Variants in KCNAB1 observed in about 807,000 individuals in gnomAD.
KCNAB1 encodes voltage-gated potassium channel subunit beta-1.
In KCNAB1, 35 loss-of-function variants were observed where a neutral mutation model predicts 64.6. That is an observed-to-expected ratio of 0.54 (90% CI 0.41 to 0.72). The LOEUF is 0.72. Among genes scored for constraint, KCNAB1 ranks in the 30% least tolerant of loss-of-function variants. The pLI, the probability that KCNAB1 is intolerant of heterozygous loss-of-function variation, is 0.00. For missense variants in KCNAB1, 401 were observed against 512.9 expected (o/e 0.78, Z 2.11); for synonymous variants, 177 against 183.8 (o/e 0.96, Z 0.30).
chr3:156,421,985 A>G (rs1715495701), intron 2 of KCNAB1, among the ~76,000 whole-genome samples: 2 of 151,998 alleles, frequency 1.3e-5, no homozygotes, highest in Non-Finnish European at 2.9e-5. Context: ...GGTTCAGTTC[A>G]CCACTCCCTC....
chr3:156,262,422 G>A (rs1718484878), intron 1 of KCNAB1, among the ~76,000 whole-genome samples: 1 of 151,694 alleles, frequency 6.6e-6, no homozygotes, highest in Non-Finnish European at 1.5e-5. Context: ...TTTGATAAGT[G>A]TTTTTTTCTT....
intron 1 of KCNAB1, among the ~76,000 whole-genome samples, chr3:156,202,586 C>T (rs768005890): frequency 1.1e-4 from 17 of 152,092 alleles, no homozygotes; most frequent in African/African-American, 2.7e-4. Flanking sequence ...TTAGAATTTC[C>T]GTCTCTCTGC....
chr3:156,278,815 C>CA (rs1368114577), intron 1 of KCNAB1, among the ~76,000 whole-genome samples: 24 of 148,984 alleles, frequency 1.6e-4, no homozygotes, highest in East Asian at 3.9e-4. Context: ...AGCATGCTTT[C>CA]AAAAAAAAAT....
At chr3:156,167,713 A>G (rs538569423) in intron 1 of KCNAB1, among the ~76,000 whole-genome samples, 1 of 152,332 alleles carries the variant, frequency 6.6e-6, no homozygotes, top group South Asian at 2.1e-4. Context: ...GGAGATTGAG[A>G]TTGAATTATA....
chr3:156,258,128 G>A (rs1327447482), intron 1 of KCNAB1, among the ~76,000 whole-genome samples: 1 of 152,162 alleles, frequency 6.6e-6, no homozygotes, highest in Admixed American at 6.5e-5. Context: ...TTTTGGACTG[G>A]TTAGAGTCAC....
intron 8 of KCNAB1, among the ~76,000 whole-genome samples, chr3:156,478,639 TCC>T (rs1468904662): frequency 6.6e-6 from 1 of 152,124 alleles, no homozygotes; most frequent in Non-Finnish European, 1.5e-5. Flanking sequence ...TTAAACAACT[TCC>T]ATTTAAATAT....
intron 1 of KCNAB1, among the ~76,000 whole-genome samples, chr3:156,168,770 A>G (rs1711769606): frequency 6.6e-6 from 1 of 152,240 alleles, no homozygotes; most frequent in Non-Finnish European, 1.5e-5. Flanking sequence ...CAGAATTACC[A>G]AAAACTTGAT....
intron 1 of KCNAB1, among the ~76,000 whole-genome samples, chr3:156,137,619 C>T (rs923132754): frequency 1.3e-5 from 2 of 151,652 alleles, no homozygotes; most frequent in African/African-American, 4.8e-5. Context: ...CGCGATCTCA[C>T]CACAACCCCC....
At chr3:156,512,715 T>G (rs1279512368) in intron 8 of KCNAB1, among the ~76,000 whole-genome samples, 3 of 152,264 alleles carry the variant, frequency 2.0e-5, no homozygotes, top group Non-Finnish European at 4.4e-5. Flanking sequence ...AAGCGGTTCC[T>G]TACACTTTTT....
At chr3:156,458,380 G>A (rs1047741244) in intron 4 of KCNAB1, among the ~76,000 whole-genome samples, 2 of 152,200 alleles carry the variant, frequency 1.3e-5, no homozygotes, top group Non-Finnish European at 2.9e-5. Flanking sequence ...CAGAACCAAG[G>A]AAACTAAATA....
At chr3:156,172,098 G>C (rs962672048) in intron 1 of KCNAB1, among the ~76,000 whole-genome samples, 3 of 152,168 alleles carry the variant, frequency 2.0e-5, no homozygotes, top group African/African-American at 4.8e-5. Flanking sequence ...TTGATGCCCA[G>C]TGGATTCACA....
chr3:156,442,233 AG>A (rs1717057211), intron 2 of KCNAB1, among the ~76,000 whole-genome samples: 1 of 152,174 alleles, frequency 6.6e-6, no homozygotes, highest in African/African-American at 2.4e-5. Flanking sequence ...CATTGTTTCT[AG>A]GGGTAGATTT....
chr3:156,249,381 G>C (rs1457092036), intron 1 of KCNAB1, among the ~76,000 whole-genome samples: 2 of 151,982 alleles, frequency 1.3e-5, no homozygotes, highest in Non-Finnish European at 2.9e-5. Flanking sequence ...TGGCCAGCCT[G>C]GCCAACCTGG....
At chr3:156,223,859 C>T (rs963409925) in intron 1 of KCNAB1, among the ~76,000 whole-genome samples, 1 of 152,234 alleles carries the variant, frequency 6.6e-6, no homozygotes, top group African/African-American at 2.4e-5. Flanking sequence ...CCCAGTGTAT[C>T]CCGCACTGGG....
chr3:156,465,581 G>A, intron 6 of KCNAB1, 62 bp from the exon 7 acceptor site: 1 of 1,463,176 alleles, frequency 6.8e-7, no homozygotes, highest in South Asian at 1.1e-5. Flanking sequence ...TCAGACCAGA[G>A]ATTTAGAGAA....
chr3:156,250,615 T>C (rs1028506026), intron 1 of KCNAB1, among the ~76,000 whole-genome samples: 8 of 152,066 alleles, frequency 5.3e-5, no homozygotes, highest in Admixed American at 2.0e-4. Flanking sequence ...CTTGATAGAG[T>C]AGTTATCAGA....
At chr3:156,398,849 G>A (rs1308317923) in intron 1 of KCNAB1, among the ~76,000 whole-genome samples, 2 of 152,128 alleles carry the variant, frequency 1.3e-5, no homozygotes, top group African/African-American at 4.8e-5. Flanking sequence ...GTCTCCTGGA[G>A]CATATCCATC....
At chr3:156,176,231 T>C in intron 1 of KCNAB1, 1 of 786,886 alleles carries the variant, frequency 1.3e-6, no homozygotes, top group East Asian at 2.4e-5. Context: ...TGGCCTGTCA[T>C]GGTGTAGGTT....
chr3:156,201,753 A>G (rs567278561), intron 1 of KCNAB1, among the ~76,000 whole-genome samples: 22 of 152,260 alleles, frequency 1.4e-4, no homozygotes, highest in Admixed American at 4.6e-4. Context: ...GGATCCATAC[A>G]CACATGAGAG....
Sources: gnomAD v4.1 joint callset for allele counts (sites outside exome capture counted in the v4.1 genomes callset) on GRCh38, gnomAD v4.1.1 for gene constraint, MANE v1.5 for transcripts, NCBI Gene and HGNC (gene_info 2026-07-23, HGNC 2026-07-21) for gene names.